NDRG2: variants seen among roughly 807,000 people sequenced by gnomAD.
NDRG2 encodes the protein NDRG family member 2.
Under a neutral mutation model 58.2 loss-of-function variants are expected in NDRG2, and 34 were observed. The ratio of observed to expected loss-of-function variants is 0.58; its 90% CI spans 0.44 to 0.78. NDRG2 has a LOEUF of 0.78. Among genes scored for constraint, NDRG2 ranks in the 30% least tolerant of loss-of-function variants. The probability of loss-of-function intolerance (pLI) is 0.00; values close to 1 mark genes in which losing one functional copy is unlikely to be tolerated. For missense variants in NDRG2, 434 were observed against 471.2 expected (o/e 0.92, Z 0.73); for synonymous variants, 187 against 175.9 (o/e 1.06, Z -0.50).
upstream of NDRG2, chr14:21,030,470 G>T (rs564184478): frequency 2.6e-6 from 3 of 1,149,172 alleles, no homozygotes; most frequent in African/African-American, 4.6e-5. Context: ...TGTTCCTGTT[G>T]CTGACTGATT....
intron 1 of NDRG2, among the ~76,000 whole-genome samples, chr14:21,060,823 T>C (rs187042686): frequency 2.6e-5 from 4 of 152,336 alleles, no homozygotes; most frequent in Non-Finnish European, 5.9e-5. Context: ...GACACACCTG[T>C]GTCAACTCGT....
chr14:21,059,921 C>G (rs1283034869), intron 1 of NDRG2, among the ~76,000 whole-genome samples: 2 of 152,202 alleles, frequency 1.3e-5, no homozygotes, highest in East Asian at 3.8e-4. Context: ...CATATACACA[C>G]ACACATACCT....
chr14:21,040,906 AT>A lies in NDRG2; in HGVS notation c.25-17586del, dbSNP rs796643575. 5.7e-4 allele frequency among the ~76,000 whole-genome samples: 86 copies of A among 151,474 alleles called. 1 individual carries two copies. The highest frequency in any genetic ancestry group is 6.8e-3 in the Middle Eastern group (2 of 292). On this transcript the variant is annotated intron_variant, in intron 1 of 14. Transcript: ENST00000403829. ...TTATCACTTTGAGCAAAGTATACGTATTTTTTTTTACTGTCTTTCTCCAATG... is the reference window on the plus strand; with the variant it reads ...TTATCACTTTGAGCAAAGTATACGTATTTTTTTTACTGTCTTTCTCCAATG...
intron 1 of NDRG2, chr14:21,031,972 G>C (rs1884221111): frequency 6.2e-7 from 1 of 1,614,194 alleles, no homozygotes; most frequent in Non-Finnish European, 8.5e-7. Flanking sequence ...GCTTTGATGA[G>C]AGTGGCAAGG....
At chr14:21,033,614 G>A in intron 1 of NDRG2, 1 of 598,652 alleles carries the variant, frequency 1.7e-6, no homozygotes, top group East Asian at 2.8e-5. Context: ...GCGAAGAGGG[G>A]GTAAACAAGC....
chr14:21,063,599 C>G (rs1158367620), intron 1 of NDRG2, among the ~76,000 whole-genome samples: 1 of 152,092 alleles, frequency 6.6e-6, no homozygotes, highest in East Asian at 1.9e-4. Flanking sequence ...GTTCTGAAGT[C>G]TGGAGGATGG....
At chr14:21,047,135 T>C (rs995460079) in intron 1 of NDRG2, among the ~76,000 whole-genome samples, 1 of 152,236 alleles carries the variant, frequency 6.6e-6, no homozygotes, top group Non-Finnish European at 1.5e-5. Flanking sequence ...TTTAACCATG[T>C]GGAAATTTTA....
At chr14:21,044,390 T>A (rs76724957) in intron 1 of NDRG2, among the ~76,000 whole-genome samples, 107 of 152,330 alleles carry the variant, frequency 7.0e-4, no homozygotes, top group Non-Finnish European at 1.2e-3. Flanking sequence ...AAAGGGAGTG[T>A]CTGAGCTTCA....
In NDRG2 at chr14:21,052,154, G is replaced by C. The variant is rs1885495708; in HGVS notation, c.24+18674C>G. Among the ~76,000 whole-genome samples the C allele has an allele frequency of 2.0e-5, 3 of 152,226 alleles. No individual in the cohort carries two copies. In the South Asian group the frequency reaches 6.2e-4, roughly 31 times the overall value. ...TTGTGTTATAAATAGTAAGAAGACTGAGAGGATCAGAGTGATGACTGAGTT... is the reference window on the plus strand; with the variant it reads ...TTGTGTTATAAATAGTAAGAAGACTCAGAGGATCAGAGTGATGACTGAGTT... On this transcript the variant is annotated intron_variant, in intron 1 of 14. Coordinates refer to the NDRG2 transcript ENST00000403829.
At position 21,068,060 on chromosome 14, in the gene NDRG2, C is replaced by T. The variant is rs978523182; in HGVS notation, c.24+2768G>A. On this transcript the variant is annotated intron_variant, in intron 1 of 14. Coordinates refer to the NDRG2 transcript ENST00000403829. ...TGTCGCCCAGGCTGGAGTGCAGTGG[C>T]GCGATCTCGGCTCACTGCAAGCTCC... Among the ~76,000 whole-genome samples, 2 of 10,592 alleles carry T rather than the reference C, an allele frequency of 1.9e-4. 1 individual carries two copies. The highest frequency in any genetic ancestry group is 2.9e-4 in the African/African-American group (2 of 7,000). The allele number at this position is 10,592 out of a possible 152,430, so 6.9% of individuals were successfully genotyped here.
chr14:21,032,252 C>A (rs3818613), intron 1 of NDRG2: 225,443 of 716,940 alleles, frequency 0.31, 36,811 homozygotes, highest in East Asian at 0.39. Flanking sequence ...GTGGGTTCTC[C>A]ACCACACACC....
upstream of NDRG2, chr14:21,025,741 A>G (rs1594462978): frequency 2.0e-5 from 9 of 457,938 alleles, no homozygotes; most frequent in Non-Finnish European, 2.4e-5. The surrounding 1 kb of genome is among the most constrained non-coding windows in gnomAD (Gnocchi z 5.1). Flanking sequence ...TTGGACAACA[A>G]GGCGGGGAGG....
At chr14:21,038,482 G>C (rs933622219) in intron 1 of NDRG2, among the ~76,000 whole-genome samples, 5 of 152,190 alleles carry the variant, frequency 3.3e-5, no homozygotes, top group African/African-American at 1.2e-4. Flanking sequence ...TCTGAATTGG[G>C]AGGGTCAGAG....
upstream of NDRG2, chr14:21,025,712 C>T (rs1421972963): frequency 6.1e-6 from 6 of 984,980 alleles, no homozygotes; most frequent in East Asian, 3.4e-4. This position sits in a 1 kb window ranked among gnomAD's most constrained non-coding sequence, Gnocchi z 5.1. Context: ...CGCCTGCTCT[C>T]CGGCTGCTCC....
intron 12 of NDRG2, 38 bp from the exon 13 acceptor site, chr14:21,018,542 C>T: frequency 6.2e-7 from 1 of 1,609,108 alleles, no homozygotes; most frequent in Non-Finnish European, 8.5e-7. Context: ...GAGGTCACGC[C>T]CACTGTGGCG....
At chr14:21,058,399 T>C (rs763329638) in intron 1 of NDRG2, 1 of 1,386,476 alleles carries the variant, frequency 7.2e-7, no homozygotes, top group East Asian at 2.3e-5. Flanking sequence ...GCAGACTGTA[T>C]GCTGCTGCTT....
chr14:21,070,394 GC>G lies in NDRG2; in HGVS notation c.24+433del. ...AGCGTCGGACGCGGCCCGGCGCCGA[GC>G]CATGGTGAGTCCAGCGTCGCAGCCC... On this transcript the variant is annotated intron_variant, in intron 1 of 14. Coordinates refer to the NDRG2 transcript ENST00000403829. The surrounding 1 kb of genome is among the most constrained non-coding windows in gnomAD (Gnocchi z 4.7). The G allele has an allele frequency of 7.1e-7, 1 of 1,416,514 alleles. No individual in the cohort carries two copies. 87.7% of individuals were successfully genotyped at this position (1,416,514 alleles called of 1,614,324 possible).
upstream of NDRG2, among the ~76,000 whole-genome samples, chr14:21,027,611 A>G (rs1468537982): frequency 2.0e-5 from 3 of 152,234 alleles, no homozygotes; most frequent in Non-Finnish European, 4.4e-5. Context: ...GAATTCATCA[A>G]TACTTTGAAG....
intron 1 of NDRG2, chr14:21,034,159 A>C (rs202002906): frequency 1.4e-5 from 22 of 1,614,126 alleles, no homozygotes; most frequent in Admixed American, 1.7e-5. Flanking sequence ...CCCTTTGGGT[A>C]GTTAACCCTG....
Sources: allele counts gnomAD v4.1 joint callset (sites outside exome capture counted in the v4.1 genomes callset), GRCh38; gene constraint gnomAD v4.1.1; non-coding constraint Gnocchi (gnomAD v3.1); transcripts MANE v1.5; gene names NCBI Gene and HGNC (gene_info 2026-07-23, HGNC 2026-07-21).